The following HAGH variants were observed in gnomAD, a reference collection of about 807,000 sequenced individuals.
The protein encoded by HAGH is hydroxyacylglutathione hydrolase, also known as hydroxyacylglutathione hydrolase, mitochondrial.
In HAGH, 29 loss-of-function variants were observed where a neutral mutation model predicts 35.1. The ratio of observed to expected loss-of-function variants is 0.83; its 90% CI spans 0.62 to 1.13. The LOEUF is 1.13. Among genes scored for constraint, HAGH ranks in the 50% most tolerant of loss-of-function variants. The pLI is 0.00. For missense variants in HAGH, 478 were observed against 419.6 expected (o/e 1.14, Z -1.22); for synonymous variants, 225 against 176.1 (o/e 1.28, Z -2.20).
At chr16:1,822,206 G>A (rs1431430009) in intron 3 of HAGH, 94 bp downstream of exon 3, 2 of 784,428 alleles carry the variant, frequency 2.5e-6, no homozygotes, top group South Asian at 1.5e-5. Flanking sequence ...AAAGCAGACA[G>A]AGCCGTGGGG....
chr16:1,826,985 C>A (rs983946746), upstream of HAGH: 3 of 639,042 alleles, frequency 4.7e-6, no homozygotes, highest in Admixed American at 3.4e-5. Flanking sequence ...GGGAGACGGG[C>A]CTGGGAGCGG....
chr16:1,817,054 G>A, intron 6 of HAGH, 60 bp from the exon 7 acceptor site: 1 of 1,389,332 alleles, frequency 7.2e-7, no homozygotes, highest in South Asian at 1.2e-5. Flanking sequence ...AAGTCCTCAG[G>A]GACGGGACCT....
rs374302147 is a variant in HAGH at position 1,817,222 on chromosome 16, C to T, written c.591G>A (p.Ala197=). The change falls in exon 6 of 9, where the codon GCG becomes GCA. Residue 197 remains alanine, a synonymous_variant. Transcript: ENST00000397356. ...CCAGCAGAGCTTTACACATCTCATCCGCAGTCCCTTCATAGAACTTCCCGC... is the reference window on the plus strand; with the variant it reads ...CCAGCAGAGCTTTACACATCTCATCTGCAGTCCCTTCATAGAACTTCCCGC... ...AGCGKFYEGT[A]DEMCKALLEV... 57 of 1,613,562 alleles carry T rather than the reference C, an allele frequency of 3.5e-5. No homozygotes were observed. Among genetic ancestry groups the T allele is most frequent in the Non-Finnish European group, 4.3e-5 (51 of 1,179,602 alleles).
rs554671915 is a variant in HAGH at position 1,819,145 on chromosome 16, C to G, written c.511G>C (p.Gly171Arg). The change falls in exon 5 of 9, where the codon GGA becomes CGA. Residue 171 changes from glycine to arginine, a missense_variant. Gly to Arg is a moderately radical substitution (Grantham distance 125). Transcript: ENST00000397356. Reference sequence around the variant, plus strand: ...AACACGGCAGGGGGCTCCGAGCCTCCGGGCTTGCTCACGAAGTAACAAATG... The same window carrying G: ...AACACGGCAGGGGGCTCCGAGCCTCGGGGCTTGCTCACGAAGTAACAAATG... ...GHICYFVSKP[G>R]GSEPPAVFTG... 9.3e-6 allele frequency: 15 copies of G among 1,612,722 alleles called. No individual in the cohort carries two copies. Among genetic ancestry groups the G allele is most frequent in the Non-Finnish European group, 1.3e-5 (15 of 1,179,348 alleles).
rs1897489715 is a variant in HAGH at position 1,808,419 on chromosome 16, G to C, written c.*864C>G. The C allele has an allele frequency of 6.6e-6, 1 of 151,676 alleles. No homozygotes were observed. The highest frequency in any genetic ancestry group is 2.4e-5 in the African/African-American group (1 of 41,228). 9.4% of individuals were successfully genotyped at this position (151,676 alleles called of 1,614,324 possible). On this transcript the variant is annotated 3_prime_UTR_variant, in exon 9 of 9. Coordinates refer to ENST00000397356, the MANE Select transcript of HAGH (RefSeq NM_005326.6). ...GGGTTCACACCATTCTCCTGCCTTA[G>C]CCTCCCGAGTAGCCGGGACTACAGG...
chr16:1,826,902 C>T, upstream of HAGH: 1 of 711,416 alleles, frequency 1.4e-6, no homozygotes, highest in Non-Finnish European at 2.1e-6. Context: ...GCGTCCACCT[C>T]GCACCGTCCG....
chr16:1,811,100 C>T (rs1018517420), intron 7 of HAGH, among the ~76,000 whole-genome samples: 9 of 152,166 alleles, frequency 5.9e-5, no homozygotes, highest in Non-Finnish European at 1.0e-4. Flanking sequence ...CTACAAAGTA[C>T]GAAGCATTTA....
chr16:1,819,996 A>G lies in HAGH; in HGVS notation c.333T>C (p.Asn111=). The G allele has an allele frequency of 1.9e-6, 3 of 1,611,458 alleles. No homozygotes were observed. In the South Asian group the frequency reaches 3.3e-5, roughly 18 times the overall value. Residue 111 remains asparagine, a synonymous_variant, in exon 4 of 9, where the codon AAT becomes AAC. Transcript: ENST00000397356. ...CCGACTCCAGCTTGACCAGTTTCTC[A>G]TTCCCGCCAGCATGGTCCCTAGAAG... ...THHHWDHAGG[N]EKLVKLESGL...
At chr16:1,821,116 G>A (rs1324061678) in intron 3 of HAGH, among the ~76,000 whole-genome samples, 2 of 152,142 alleles carry the variant, frequency 1.3e-5, no homozygotes, top group Non-Finnish European at 2.9e-5. Flanking sequence ...GCAGGCCAAC[G>A]TGCTGAGAGA....
chr16:1,817,030 G>A (rs1897929926), intron 6 of HAGH, 36 bp from the exon 7 acceptor site: 1 of 1,480,566 alleles, frequency 6.8e-7, no homozygotes, highest in Non-Finnish European at 9.4e-7. Context: ...TCGGAAGGCT[G>A]TTACCACCTG....
At chr16:1,817,908 G>T (rs1044562035) in intron 5 of HAGH, among the ~76,000 whole-genome samples, 1 of 152,188 alleles carries the variant, frequency 6.6e-6, no homozygotes, top group African/African-American at 2.4e-5. Flanking sequence ...CTGAGAGGAG[G>T]GTGCCCAGCA....
intron 4 of HAGH, 60 bp downstream of exon 4, chr16:1,819,837 C>A (rs1352285729): frequency 9.8e-6 from 10 of 1,025,004 alleles, no homozygotes; most frequent in African/African-American, 3.1e-5. Context: ...GGGGAGGGAC[C>A]CCCCTCCCCC....
At chr16:1,827,010 G>A (rs922425066), upstream of HAGH, 2 of 677,962 alleles carry the variant, frequency 3.0e-6, no homozygotes, top group Non-Finnish European at 4.6e-6. Context: ...GGCGGCCCGA[G>A]AGCTGCGCCG....
rs1567249755 is a variant in HAGH at position 1,809,372 on chromosome 16, CCGT to C, written c.835_837del (p.Thr279del). On this transcript the variant is annotated inframe_deletion, in exon 9 of 9. Transcript: ENST00000397356. Reference sequence around the variant, plus strand: ...TCCGTCTCACCTGCGTGCTGCTGCACCGTCTTCTCCCTGCGGAGGCCAGCACCG... The same window carrying C: ...TCCGTCTCACCTGCGTGCTGCTGCACCTTCTCCCTGCGGAGGCCAGCACCG... The C allele has an allele frequency of 3.1e-6, 5 of 1,610,870 alleles. No homozygotes were observed. Among genetic ancestry groups the C allele is most frequent in the Non-Finnish European group, 4.2e-6 (5 of 1,179,654 alleles).
intron 4 of HAGH, 140 bp from the exon 5 acceptor site, chr16:1,819,363 A>G (rs1286960189): frequency 8.2e-6 from 5 of 608,500 alleles, no homozygotes; most frequent in Admixed American, 2.9e-5. Context: ...GGTGCTCCCC[A>G]CCACGGGACT....
intron 8 of HAGH, 62 bp downstream of exon 8, chr16:1,809,692 T>C: frequency 8.6e-7 from 1 of 1,165,970 alleles, no homozygotes; most frequent in Non-Finnish European, 1.3e-6. Flanking sequence ...ACCGGCTGTG[T>C]GTGCAGCAGT....
At chr16:1,821,287 C>T (rs1040119265) in intron 3 of HAGH, among the ~76,000 whole-genome samples, 2 of 152,196 alleles carry the variant, frequency 1.3e-5, no homozygotes, top group Non-Finnish European at 2.9e-5. Flanking sequence ...GCGTGTGAAC[C>T]ATGACGCTTC....
At position 1,809,259 on chromosome 16, in the gene HAGH, A is replaced by C; in HGVS notation, c.*24T>G. On this transcript the variant is annotated 3_prime_UTR_variant, in exon 9 of 9. Transcript: ENST00000397356. ...TTACCTAAAAGAGCCTAATCCCCAA[A>C]TCCGCTGAAGGTGCAGGGCGGCCTC... 1.3e-6 allele frequency: 2 copies of C among 1,525,756 alleles called. No individual in the cohort carries two copies. Among genetic ancestry groups the C allele is most frequent in the Non-Finnish European group, 1.8e-6 (2 of 1,109,378 alleles). 94.5% of individuals were successfully genotyped at this position (1,525,756 alleles called of 1,614,324 possible).
In HAGH at chr16:1,809,135, A is replaced by G. The variant is rs1897513562; in HGVS notation, c.*148T>C. ...AATAAATACTTGTTAAACTTCTCTT[A>G]TAAATATGCATTAGAATGTCCGATA... On this transcript the variant is annotated 3_prime_UTR_variant, in exon 9 of 9. Transcript: ENST00000397356. 1.6e-6 allele frequency: 1 copy of G among 631,014 alleles called. No individual in the cohort carries two copies. The highest frequency in any genetic ancestry group is 2.1e-5 in the South Asian group (1 of 48,072). The allele number at this position is 631,014 out of a possible 1,614,324, so 39.1% of individuals were successfully genotyped here.
Sources: gnomAD v4.1 joint callset for allele counts (sites outside exome capture counted in the v4.1 genomes callset) on GRCh38, gnomAD v4.1.1 for gene constraint, MANE v1.5 for transcripts, NCBI Gene and HGNC (gene_info 2026-07-23, HGNC 2026-07-21) for gene names.